Variants in NLGN4X observed in about 807,000 individuals in gnomAD.
NLGN4X encodes the protein neuroligin-4, X-linked.
In NLGN4X, 3 loss-of-function variants were observed where a neutral mutation model predicts 40.3. The ratio of observed to expected loss-of-function variants is 0.07; its 90% CI spans 0.03 to 0.19. NLGN4X has a LOEUF of 0.19. NLGN4X is among the 10% of genes least tolerant of loss of function. NLGN4X has a pLI of 1.00. For synonymous variants in NLGN4X, 270 were observed against 306.8 expected, an observed-to-expected ratio of 0.88 and a Z score of 1.25; for missense variants, 382 against 708.3, an observed-to-expected ratio of 0.54 and a Z score of 5.23.
chrX:6,027,354 C>T (rs2036727472), intron 3 of NLGN4X, among the ~76,000 whole-genome samples: 1 of 112,382 alleles, frequency 8.9e-6, no homozygotes, highest in South Asian at 3.7e-4. Flanking sequence ...CATTATTCCG[C>T]CAAGATGTGG....
intron 1 of NLGN4X, among the ~76,000 whole-genome samples, chrX:6,213,898 A>G (rs1320303596): frequency 8.9e-6 from 1 of 112,154 alleles, no homozygotes; most frequent in Non-Finnish European, 1.9e-5. Flanking sequence ...TAATAAATGG[A>G]GCATTCCCAG....
intron 1 of NLGN4X, among the ~76,000 whole-genome samples, chrX:6,176,376 A>T (rs2040734890): frequency 8.9e-6 from 1 of 112,478 alleles, no homozygotes; most frequent in Non-Finnish European, 1.9e-5. Context: ...TAAAATGAAG[A>T]TAACAACTGT....
rs188665875 is a variant in NLGN4X at position 6,146,884 on chromosome X, G to A, written c.472+4111C>T. On this transcript the variant is annotated intron_variant, in intron 2 of 5. Coordinates refer to ENST00000381095, the MANE Select transcript of NLGN4X (RefSeq NM_181332.3). ...TCACTGCAACCTCCCTCCACCTCTCGAGTTCAGGTCATTCTCCTGCCTCAG... is the reference window on the plus strand; with the variant it reads ...TCACTGCAACCTCCCTCCACCTCTCAAGTTCAGGTCATTCTCCTGCCTCAG... 9.3e-3 allele frequency among the ~76,000 whole-genome samples: 1,025 copies of A among 110,414 alleles called. 8 individuals carry two copies. The highest frequency in any genetic ancestry group is 0.032 in the African/African-American group (982 of 30,371).
chrX:5,983,488 A>C (rs1371438485), intron 3 of NLGN4X, among the ~76,000 whole-genome samples: 1 of 112,492 alleles, frequency 8.9e-6, no homozygotes, highest in East Asian at 2.8e-4. Flanking sequence ...AAATGAAAAA[A>C]TAAAAATCAA....
At chrX:6,103,655 T>C (rs2038970493) in intron 2 of NLGN4X, among the ~76,000 whole-genome samples, 2 of 112,051 alleles carry the variant, frequency 1.8e-5, no homozygotes, top group Admixed American at 9.5e-5. Flanking sequence ...CATCATTACA[T>C]AGAGCTTTCC....
chrX:5,939,409 T>C (rs113789295), intron 3 of NLGN4X, among the ~76,000 whole-genome samples: 12 of 111,341 alleles, frequency 1.1e-4, no homozygotes, highest in African/African-American at 3.6e-4. Context: ...ACACATCTCT[T>C]TGGCTCCAAG....
chrX:5,969,073 G>T, intron 3 of NLGN4X, among the ~76,000 whole-genome samples: 1 of 110,710 alleles, frequency 9.0e-6, no homozygotes, highest in East Asian at 2.8e-4. Context: ...AAAAACCCTA[G>T]AAGAAAACCT....
At chrX:6,172,443 A>C (rs1437307317) in intron 1 of NLGN4X, among the ~76,000 whole-genome samples, 1 of 111,662 alleles carries the variant, frequency 9.0e-6, no homozygotes, top group Non-Finnish European at 1.9e-5. Flanking sequence ...CCATTTTGCT[A>C]TCTCTCTCTC....
intron 3 of NLGN4X, among the ~76,000 whole-genome samples, chrX:5,987,004 A>G (rs1325059934): frequency 8.9e-6 from 1 of 111,843 alleles, no homozygotes; most frequent in Non-Finnish European, 1.9e-5. Context: ...GCTTGTGAGA[A>G]AGGAGGGTGC....
chrX:6,110,647 G>A (rs1181108781), intron 2 of NLGN4X, among the ~76,000 whole-genome samples: 1 of 111,756 alleles, frequency 8.9e-6, no homozygotes, highest in Non-Finnish European at 1.9e-5. Context: ...CTCTCACTAG[G>A]AGGAGCATAT....
chrX:5,922,843 A>T (rs1013056543), intron 3 of NLGN4X, among the ~76,000 whole-genome samples: 1 of 111,113 alleles, frequency 9.0e-6, no homozygotes, highest in African/African-American at 3.3e-5. Flanking sequence ...AGCCTGGGCG[A>T]CAGAGGGAGG....
At chrX:6,167,727 TC>T (rs1216545386) in intron 1 of NLGN4X, among the ~76,000 whole-genome samples, 1 of 111,053 alleles carries the variant, frequency 9.0e-6, no homozygotes, top group Non-Finnish European at 1.9e-5. Context: ...ACTCCCCACA[TC>T]CCAAGTCCAA....
At chrX:6,098,805 G>A (rs1038086020) in intron 2 of NLGN4X, among the ~76,000 whole-genome samples, 1 of 111,311 alleles carries the variant, frequency 9.0e-6, no homozygotes, top group Non-Finnish European at 1.9e-5. Flanking sequence ...CCCTTCAACC[G>A]CCCGTTCTCA....
intron 3 of NLGN4X, among the ~76,000 whole-genome samples, chrX:5,953,298 C>T (rs1328094672): frequency 3.6e-5 from 4 of 110,879 alleles, no homozygotes; most frequent in Admixed American, 9.6e-5. Flanking sequence ...ATTGCTTGAG[C>T]CCAGGAGATT....
At position 5,978,305 on chromosome X, in the gene NLGN4X, TTTCTTTCTTTC is replaced by T. The variant is rs1231597850; in HGVS notation, c.625+50964_625+50974del. Among the ~76,000 whole-genome samples the T allele has an allele frequency of 4.3e-5, 4 of 93,383 alleles. No individual in the cohort carries two copies. In the Admixed American group the frequency reaches 4.8e-4, roughly 11 times the overall value. 81.1% of individuals were successfully genotyped at this position (93,383 alleles called of 115,157 possible). A position where few individuals can be genotyped will look rare whatever the true frequency, so the allele number is the denominator to read the frequency against. On this transcript the variant is annotated intron_variant, in intron 3 of 5. Transcript: ENST00000381095. Reference sequence around the variant, plus strand: ...CTTTCTTTCTTTCTTTCTTTCTTTCTTTCTTTCTTTCTTTCTTTCTTTCTTTCTTTCTTTCT... The same window carrying T: ...CTTTCTTTCTTTCTTTCTTTCTTTCTTTTCTTTCTTTCTTTCTTTCTTTCT...
chrX:5,928,524 A>G, intron 3 of NLGN4X, among the ~76,000 whole-genome samples: 1 of 112,271 alleles, frequency 8.9e-6, no homozygotes, highest in Non-Finnish European at 1.9e-5. Flanking sequence ...TTTACATTTT[A>G]TAACAGTGTA....
intron 3 of NLGN4X, among the ~76,000 whole-genome samples, chrX:5,941,981 TG>T (rs2033962118): frequency 1.8e-5 from 2 of 111,866 alleles, no homozygotes; most frequent in Admixed American, 9.5e-5. Context: ...TAGGCCAGGC[TG>T]GGTGGCTCAC....
intron 2 of NLGN4X, among the ~76,000 whole-genome samples, chrX:6,083,777 G>A (rs2038429841): frequency 1.8e-5 from 2 of 112,177 alleles, no homozygotes; most frequent in Admixed American, 1.9e-4. Flanking sequence ...GTGCAGAGAG[G>A]AATAGGTTTT....
rs1157468420 is a variant in NLGN4X, at chrX:6,116,391, C to CTTTTTTTTTTTTTTTTTTTT, written c.472+34584_472+34603dup. Among the ~76,000 whole-genome samples, 5 of 22,279 alleles carry CTTTTTTTTTTTTTTTTTTTT rather than the reference C, an allele frequency of 2.2e-4. 1 individual carries two copies. Among genetic ancestry groups the CTTTTTTTTTTTTTTTTTTTT allele is most frequent in the African/African-American group, 9.3e-4 (5 of 5,350 alleles). The allele number at this position is 22,279 out of a possible 115,157, so 19.3% of individuals were successfully genotyped here. On this transcript the variant is annotated intron_variant, in intron 2 of 5. Transcript: ENST00000381095. ...ACAAGTAGGTATTGAACCTTTCTTT[C>CTTTTTTTTTTTTTTTTTTTT]TTTTTTTTTTTTTTTTTTTTTTTTT... is the stretch of plus-strand genomic sequence containing the variant.
Sources: gnomAD v4.1 joint callset for allele counts (sites outside exome capture counted in the v4.1 genomes callset) on GRCh38, gnomAD v4.1.1 for gene constraint, MANE v1.5 for transcripts, NCBI Gene and HGNC (gene_info 2026-07-23, HGNC 2026-07-21) for gene names.